Variants in EPHA4 observed in about 807,000 individuals in gnomAD.
EPHA4 encodes the protein EPH receptor A4.
In EPHA4, 19 loss-of-function variants were observed where a neutral mutation model predicts 108.3. The ratio of observed to expected loss-of-function variants is 0.18; its 90% CI spans 0.12 to 0.26. The LOEUF (loss-of-function observed/expected upper bound fraction) is 0.26, where lower values mean the gene tolerates loss of function less well. Among genes scored for constraint, EPHA4 ranks in the 10% least tolerant of loss-of-function variants. The pLI, the probability that EPHA4 is intolerant of heterozygous loss-of-function variation, is 1.00. For synonymous variants in EPHA4, 449 were observed against 455.5 expected (o/e 0.99, Z 0.18); for missense variants, 917 against 1,254.0 (o/e 0.73, Z 4.06).
chr2:221,520,902 T>C (rs1693147710), intron 3 of EPHA4, among the ~76,000 whole-genome samples: 1 of 152,228 alleles, frequency 6.6e-6, no homozygotes, highest in Admixed American at 6.5e-5. Flanking sequence ...GACAAAAGGC[T>C]ACTACACATT....
intron 11 of EPHA4, among the ~76,000 whole-genome samples, chr2:221,439,239 G>T (rs1370518080): frequency 6.6e-6 from 1 of 151,712 alleles, no homozygotes; most frequent in Non-Finnish European, 1.5e-5. Context: ...GCTGGCAGGG[G>T]TGTGTCTGCA....
chr2:221,573,895 ACT>A (rs1423614223), upstream of EPHA4: 1 of 152,072 alleles, frequency 6.6e-6, no homozygotes, highest in East Asian at 1.9e-4. This position sits in a 1 kb window ranked among gnomAD's most constrained non-coding sequence, Gnocchi z 4.5. Flanking sequence ...GTCTGTCGTG[ACT>A]CTCGCCTGCT....
intron 2 of EPHA4, among the ~76,000 whole-genome samples, chr2:221,566,771 T>C (rs1215042686): frequency 7.0e-6 from 1 of 142,176 alleles, no homozygotes; most frequent in Non-Finnish European, 1.5e-5. Context: ...TCAGCAGCTC[T>C]GGAGAAGAAG....
Position 221,459,288 on chromosome 2 carries a change from G to GCA in EPHA4, c.1319-1300_1319-1299dup, listed in dbSNP as rs762674416. On this transcript the variant is annotated intron_variant, in intron 5 of 17. Coordinates refer to ENST00000281821, the MANE Select transcript of EPHA4 (RefSeq NM_004438.5). ...ATCTCTGTTAGGGATGGTAACAGGC[G>GCA]CACACACACACACACACACACCCCT... is the stretch of plus-strand genomic sequence containing the variant. Among the ~76,000 whole-genome samples, 566 of 140,042 alleles carry GCA rather than the reference G, an allele frequency of 4.0e-3. 4 individuals are homozygous for GCA. The highest frequency in any genetic ancestry group is 0.013 in the African/African-American group (484 of 37,996). The allele number at this position is 140,042 out of a possible 152,430, so 91.9% of individuals were successfully genotyped here.
chr2:221,555,401 CA>C (rs1222298767), intron 3 of EPHA4, among the ~76,000 whole-genome samples: 2 of 152,152 alleles, frequency 1.3e-5, no homozygotes, highest in Admixed American at 1.3e-4. Context: ...ACAGAATATG[CA>C]AATGAAGAAT....
chr2:221,476,862 C>G (rs996079646), intron 5 of EPHA4, among the ~76,000 whole-genome samples: 2 of 152,078 alleles, frequency 1.3e-5, no homozygotes, highest in African/African-American at 4.8e-5. Context: ...CAGTGTGCCT[C>G]TTACACTTAG....
At position 221,533,725 on chromosome 2, in the gene EPHA4, CAAAAAAAAA is replaced by C. The variant is rs144676444; in HGVS notation, c.823+29997_823+30005del. The stretch of plus-strand genomic sequence containing the variant: ...TGACTGTTAATTTTGTGACTAGTGT[CAAAAAAAAA>C]AAAAAAAAAAAAAAAAAAGCCTGTG... On this transcript the variant is annotated intron_variant, in intron 3 of 17. Transcript: ENST00000281821. Among the ~76,000 whole-genome samples, 37 of 63,482 alleles carry C rather than the reference CAAAAAAAAA, an allele frequency of 5.8e-4. 1 individual carries two copies. The highest frequency in any genetic ancestry group is 8.4e-4 in the Non-Finnish European group (30 of 35,514). The allele number at this position is 63,482 out of a possible 152,430, so 41.6% of individuals were successfully genotyped here.
chr2:221,435,202 A>C (rs2106097537), intron 13 of EPHA4, among the ~76,000 whole-genome samples: 1 of 152,188 alleles, frequency 6.6e-6, no homozygotes, highest in South Asian at 2.1e-4. Flanking sequence ...AACTCTGAAA[A>C]CCCAGTGTAT....
chr2:221,518,808 C>T (rs1028302872), intron 3 of EPHA4, among the ~76,000 whole-genome samples: 4 of 152,128 alleles, frequency 2.6e-5, no homozygotes, highest in Non-Finnish European at 5.9e-5. Flanking sequence ...CACGGGTAAG[C>T]AAGCAGGTCT....
chr2:221,470,285 T>C lies in EPHA4; in HGVS notation c.1318+12067A>G, dbSNP rs1691439528. Reference sequence around the variant, plus strand: ...ACTGAGAAGTGATGATCACGGACAGTATAAACTAGAATGTTACAAATAGGG... The same window carrying C: ...ACTGAGAAGTGATGATCACGGACAGCATAAACTAGAATGTTACAAATAGGG... On this transcript the variant is annotated intron_variant, in intron 5 of 17. Coordinates refer to ENST00000281821, the MANE Select transcript of EPHA4 (RefSeq NM_004438.5). Among the ~76,000 whole-genome samples, 4 of 147,454 alleles carry C rather than the reference T, an allele frequency of 2.7e-5. 1 individual carries two copies. The South Asian group carries it at 8.5e-4, about 31-fold the overall frequency.
chr2:221,533,014 C>T (rs531912460), intron 3 of EPHA4: 1 of 152,298 alleles, frequency 6.6e-6, no homozygotes, highest in East Asian at 1.9e-4. Context: ...TTTGAACTCA[C>T]TTGTGTTTAA....
intron 3 of EPHA4, among the ~76,000 whole-genome samples, chr2:221,515,254 C>A (rs1452692661): frequency 1.3e-5 from 2 of 152,050 alleles, no homozygotes; most frequent in Admixed American, 6.5e-5. Flanking sequence ...CGCCACCATG[C>A]ATGGCTAATT....
At chr2:221,520,095 T>C (rs151123665) in intron 3 of EPHA4, among the ~76,000 whole-genome samples, 2 of 152,154 alleles carry the variant, frequency 1.3e-5, no homozygotes, top group East Asian at 1.9e-4. Flanking sequence ...ATGCTGATCA[T>C]GTCATTCCTG....
intron 3 of EPHA4, among the ~76,000 whole-genome samples, chr2:221,548,547 C>T (rs921713769): frequency 8.2e-5 from 12 of 146,868 alleles, no homozygotes; most frequent in African/African-American, 3.0e-4. Flanking sequence ...AATTAAACCA[C>T]TTTTTTTTTT....
intron 3 of EPHA4, among the ~76,000 whole-genome samples, chr2:221,506,687 G>A (rs1310524233): frequency 6.6e-6 from 1 of 152,140 alleles, no homozygotes; most frequent in Non-Finnish European, 1.5e-5. Context: ...TGGTTTGACT[G>A]CTATCTGTTG....
At chr2:221,477,658 G>A (rs1409860014) in intron 5 of EPHA4, among the ~76,000 whole-genome samples, 4 of 152,200 alleles carry the variant, frequency 2.6e-5, no homozygotes, top group Non-Finnish European at 4.4e-5. Flanking sequence ...GAGAGAAGGA[G>A]GGCAGGCAGA....
At chr2:221,456,815 A>T in intron 6 of EPHA4, 43 bp from the exon 7 acceptor site, 1 of 1,608,334 alleles carries the variant, frequency 6.2e-7, no homozygotes, top group South Asian at 1.1e-5. Context: ...GGCAAAATAA[A>T]TCTCCTGCTT....
At chr2:221,439,580 T>C (rs757320991) in intron 11 of EPHA4, among the ~76,000 whole-genome samples, 3 of 151,842 alleles carry the variant, frequency 2.0e-5, no homozygotes, top group Non-Finnish European at 2.9e-5. Context: ...CTTGAACTCC[T>C]GGGCTCAAGG....
intron 2 of EPHA4, 113 bp downstream of exon 2, chr2:221,568,605 C>T (rs900332460): frequency 5.4e-5 from 41 of 755,298 alleles, no homozygotes; most frequent in Middle Eastern, 2.4e-4. Flanking sequence ...TAGGCCACAG[C>T]GGAAATCTGA....
Sources: gnomAD v4.1 joint callset for allele counts (sites outside exome capture counted in the v4.1 genomes callset) on GRCh38, gnomAD v4.1.1 for gene constraint, Gnocchi (gnomAD v3.1) non-coding constraint, MANE v1.5 for transcripts, NCBI Gene and HGNC (gene_info 2026-07-23, HGNC 2026-07-21) for gene names.